Variants in PCDHA12 observed in about 807,000 individuals in gnomAD.
PCDHA12 encodes the protein protocadherin alpha 12.
A neutral mutation model predicts 60.0 loss-of-function variants in PCDHA12; 44 were observed. That is an observed-to-expected ratio of 0.73 (90% confidence interval 0.58 to 0.94). The LOEUF (loss-of-function observed/expected upper bound fraction) is 0.94. Ranked by LOEUF, PCDHA12 falls within the 40% of genes least tolerant of loss-of-function variation. PCDHA12 has a pLI of 0.00. For synonymous variants in PCDHA12, 569 were observed against 553.0 expected (o/e 1.03, Z -0.40); for missense variants, 1,276 against 1,239.7 (o/e 1.03, Z -0.44).
chr5:141,000,828 G>A (rs1244334845), intron 3 of PCDHA12, among the ~76,000 whole-genome samples: 2 of 151,966 alleles, frequency 1.3e-5, no homozygotes, highest in African/African-American at 4.8e-5. Flanking sequence ...GATCACTTGA[G>A]TCCAGGAGAT....
At chr5:140,888,315 C>A (rs2061784289) in intron 1 of PCDHA12, among the ~76,000 whole-genome samples, 1 of 152,084 alleles carries the variant, frequency 6.6e-6, no homozygotes, top group Non-Finnish European at 1.5e-5. Flanking sequence ...TTGGCAATGC[C>A]TGGATACATT....
At chr5:140,985,104 AT>A (rs2097137151) in intron 3 of PCDHA12, among the ~76,000 whole-genome samples, 1 of 151,914 alleles carries the variant, frequency 6.6e-6, no homozygotes, top group African/African-American at 2.4e-5. Context: ...AGCCTGGCTA[AT>A]TTTTTGTGTT....
intron 1 of PCDHA12, 126 bp downstream of exon 1, chr5:140,877,965 G>A (rs1049843517): frequency 1.8e-5 from 23 of 1,304,904 alleles, no homozygotes; most frequent in Non-Finnish European, 2.2e-5. Context: ...CATCTTTCTT[G>A]GTCATTCTTA....
At chr5:141,006,423 C>T (rs1554260738) in intron 3 of PCDHA12, among the ~76,000 whole-genome samples, 1 of 152,060 alleles carries the variant, frequency 6.6e-6, no homozygotes, top group African/African-American at 2.4e-5. Context: ...CTGTGTTAGC[C>T]AGGATGGTCT....
intron 1 of PCDHA12, chr5:140,966,805 T>C (rs1554228690): frequency 6.5e-7 from 1 of 1,545,566 alleles, no homozygotes; most frequent in South Asian, 1.2e-5. Flanking sequence ...CGACAGAGCA[T>C]CCACGGCTCC....
intron 1 of PCDHA12, chr5:140,927,167 C>A (rs782612848): frequency 6.2e-7 from 1 of 1,614,164 alleles, no homozygotes; most frequent in Admixed American, 1.7e-5. Context: ...GCCAAAGCTG[C>A]CTGCGTCTTG....
chr5:140,995,930 A>G (rs186484511), intron 3 of PCDHA12, among the ~76,000 whole-genome samples: 1 of 152,342 alleles, frequency 6.6e-6, no homozygotes, highest in Admixed American at 6.5e-5. Context: ...TGTTGTAAGT[A>G]TTAAATGACA....
chr5:140,878,662 C>T (rs1479409326), intron 1 of PCDHA12, among the ~76,000 whole-genome samples: 1 of 152,194 alleles, frequency 6.6e-6, no homozygotes, highest in African/African-American at 2.4e-5. Flanking sequence ...CCAGAGGCTT[C>T]TCTTTAACCA....
chr5:140,891,612 T>C (rs182874243), intron 1 of PCDHA12, among the ~76,000 whole-genome samples: 2 of 152,350 alleles, frequency 1.3e-5, no homozygotes, highest in Admixed American at 1.3e-4. Context: ...TTCTACCTTT[T>C]ATTTTAACAC....
chr5:140,986,358 A>C (rs1440671712), intron 3 of PCDHA12, among the ~76,000 whole-genome samples: 1 of 152,116 alleles, frequency 6.6e-6, no homozygotes, highest in African/African-American at 2.4e-5. Context: ...CTTCAGATGG[A>C]GGAATGCGTT....
rs2096720992 is a variant in PCDHA12 at position 140,976,533 on chromosome 5, A to G, written c.2368-2416A>G. 2.0e-5 allele frequency among the ~76,000 whole-genome samples: 3 copies of G among 152,170 alleles called. No homozygotes were observed. In the South Asian group the frequency reaches 6.2e-4, roughly 32 times the overall value. Reference sequence around the variant, plus strand: ...GCCACTGCACACCAGCCTAAATGACAGAGTAAGACCCTATCTCATAAATAA... The same window carrying G: ...GCCACTGCACACCAGCCTAAATGACGGAGTAAGACCCTATCTCATAAATAA... On this transcript the variant is annotated intron_variant, in intron 1 of 3. Coordinates refer to ENST00000398631, the MANE Select transcript of PCDHA12 (RefSeq NM_018903.4).
chr5:140,998,017 C>T (rs555584429), intron 3 of PCDHA12, among the ~76,000 whole-genome samples: 67 of 152,292 alleles, frequency 4.4e-4, no homozygotes, highest in African/African-American at 1.4e-3. Context: ...ATCCCCACCT[C>T]GAGCTAGTGC....
At chr5:140,937,162 C>A (rs2091378704) in intron 1 of PCDHA12, among the ~76,000 whole-genome samples, 1 of 151,684 alleles carries the variant, frequency 6.6e-6, no homozygotes, top group Non-Finnish European at 1.5e-5. Flanking sequence ...CTCAGCCTCC[C>A]GAGTAGCTGG....
chr5:141,003,589 A>G (rs781995684), intron 3 of PCDHA12, among the ~76,000 whole-genome samples: 9 of 152,170 alleles, frequency 5.9e-5, no homozygotes, highest in Non-Finnish European at 1.3e-4. Context: ...CTGGGATTTT[A>G]GATGTGAGCC....
In PCDHA12 at chr5:141,011,970, C is replaced by T. The variant is rs975637071; in HGVS notation, c.*2033C>T. ...AGCATTAAATTTAAAAAAAAACTGT[C>T]TTGTCTACTTTTAGCTTCATTCTCC... On this transcript the variant is annotated 3_prime_UTR_variant, in exon 4 of 4. Coordinates refer to ENST00000398631, the MANE Select transcript of PCDHA12 (RefSeq NM_018903.4). 6.5e-6 allele frequency: 1 copy of T among 153,576 alleles called. No homozygotes were observed. Among genetic ancestry groups the T allele is most frequent in the African/African-American group, 2.4e-5 (1 of 41,406 alleles). The allele number at this position is 153,576 out of a possible 1,614,324, so 9.5% of individuals were successfully genotyped here.
Position 140,993,501 on chromosome 5 carries a change from C to T in PCDHA12, c.2515+10938C>T, listed in dbSNP as rs560043353. Among the ~76,000 whole-genome samples, 25 of 149,100 alleles carry T rather than the reference C, an allele frequency of 1.7e-4. No homozygotes were observed. The East Asian group carries it at 3.5e-3, about 21-fold the overall frequency. ...ACACACACACACACACACACACACA[C>T]ACACACACGGGGAGAGAGAGACAGA... On this transcript the variant is annotated intron_variant, in intron 3 of 3. Transcript: ENST00000398631.
intron 1 of PCDHA12, among the ~76,000 whole-genome samples, chr5:140,973,831 C>T (rs1212841510): frequency 1.3e-5 from 2 of 152,214 alleles, no homozygotes; most frequent in African/African-American, 4.8e-5. Flanking sequence ...GTTCTGGGTA[C>T]TTGCTTGTTG....
intron 3 of PCDHA12, among the ~76,000 whole-genome samples, chr5:140,997,372 A>G (rs2097768557): frequency 6.6e-6 from 1 of 152,208 alleles, no homozygotes; most frequent in Non-Finnish European, 1.5e-5. Context: ...CCTAGATGAT[A>G]TAGCATACTA....
Position 140,928,772 on chromosome 5 carries a change from C to T in PCDHA12, c.2368-50177C>T, listed in dbSNP as rs1554206297. The stretch of plus-strand genomic sequence containing the variant: ...CGTACTGCTCGCTTAGTTCTTCCCA[C>T]TGATGCAGTTAAGCAGAGGGTGGTG... On this transcript the variant is annotated intron_variant, in intron 1 of 3. Coordinates refer to ENST00000398631, the MANE Select transcript of PCDHA12 (RefSeq NM_018903.4). The T allele has an allele frequency of 2.5e-6, 4 of 1,614,054 alleles. No individual in the cohort carries two copies. The East Asian group carries it at 6.7e-5, about 27-fold the overall frequency.
Sources: gnomAD v4.1 joint callset for allele counts (sites outside exome capture counted in the v4.1 genomes callset) on GRCh38, gnomAD v4.1.1 for gene constraint, MANE v1.5 for transcripts, NCBI Gene and HGNC (gene_info 2026-07-23, HGNC 2026-07-21) for gene names.